DHRS12: variants seen among roughly 807,000 people sequenced by gnomAD.
DHRS12 encodes the protein dehydrogenase/reductase SDR family member 12.
In DHRS12, 29 loss-of-function variants were observed where a neutral mutation model predicts 32.1. That is an observed-to-expected ratio of 0.90 (90% confidence interval 0.67 to 1.23). The LOEUF (loss-of-function observed/expected upper bound fraction) is 1.23, where lower values mean the gene tolerates loss of function less well. DHRS12 is among the 50% of genes most tolerant of loss of function. DHRS12 has a pLI of 0.00. For missense variants in DHRS12, 330 were observed against 337.2 expected (o/e 0.98, Z 0.17); for synonymous variants, 150 against 135.9 (o/e 1.10, Z -0.72).
At chr13:51,767,896 A>G, downstream of DHRS12, 3 of 897,876 alleles carry the variant, frequency 3.3e-6, no homozygotes, top group South Asian at 7.2e-5. Context: ...TGCGTCCCCT[A>G]AGACTGAAAT....
chr13:51,797,812 G>T, intron 2 of DHRS12: 8 of 1,534,542 alleles, frequency 5.2e-6, no homozygotes, highest in Non-Finnish European at 7.0e-6. Flanking sequence ...CAGGAGGGGT[G>T]AGGAGCTGCT....
chr13:51,773,120 C>T (rs958196539), intron 6 of DHRS12: 6 of 941,362 alleles, frequency 6.4e-6, no homozygotes, highest in East Asian at 1.2e-4. Context: ...AGCAGAGATA[C>T]AGCAGTACAG....
intron 2 of DHRS12, chr13:51,797,954 CAGA>C: frequency 6.6e-7 from 1 of 1,506,820 alleles, no homozygotes; most frequent in Non-Finnish European, 8.9e-7. Context: ...GCGAGAGCTA[CAGA>C]AACCAGCTCT....
intron 5 of DHRS12, 178 bp from the exon 6 acceptor site, chr13:51,774,212 A>T: frequency 2.7e-5 from 16 of 589,140 alleles, no homozygotes; most frequent in Middle Eastern, 7.1e-4. Context: ...TCCTACATGT[A>T]TTCTCCTACA....
rs569883077 is a variant in DHRS12, at chr13:51,794,326, T to G, written c.127-3069A>C. Among the ~76,000 whole-genome samples, 403 of 152,366 alleles carry G rather than the reference T, an allele frequency of 2.6e-3. 2 individuals carry two copies. The highest frequency in any genetic ancestry group is 4.7e-3 in the Non-Finnish European group (321 of 68,040). On this transcript the variant is annotated intron_variant, in intron 2 of 8. Transcript: ENST00000444610. ...AGTCATGAGGTGACATCATGGGGACTGATCCCCCCATCAGAGCAGTTCCCA... is the reference window on the plus strand; with the variant it reads ...AGTCATGAGGTGACATCATGGGGACGGATCCCCCCATCAGAGCAGTTCCCA...
chr13:51,756,518 C>A, the DHRS12 span: 1 of 1,564,294 alleles, frequency 6.4e-7, no homozygotes, highest in Non-Finnish European at 8.7e-7. Context: ...TTAATCTGAG[C>A]CTTGCACTCA....
At chr13:51,779,803 A>T (rs936768474) in intron 4 of DHRS12, among the ~76,000 whole-genome samples, 1 of 152,056 alleles carries the variant, frequency 6.6e-6, no homozygotes, top group Admixed American at 6.6e-5. Context: ...GTTACTTCTG[A>T]CCACACAAAA....
intron 6 of DHRS12, 100 bp downstream of exon 6, chr13:51,773,830 T>G: frequency 1.0e-6 from 1 of 990,028 alleles, no homozygotes; most frequent in Non-Finnish European, 1.6e-6. Context: ...CATGAACTAC[T>G]AAGGTCCGAT....
chr13:51,771,348 C>T (rs1429207270), intron 7 of DHRS12: 3 of 1,610,416 alleles, frequency 1.9e-6, no homozygotes, highest in South Asian at 1.1e-5. Flanking sequence ...CTCCCCTCCA[C>T]CGCTGCTCCA....
downstream of DHRS12, chr13:51,767,709 G>A (rs565457250): frequency 1.3e-5 from 2 of 151,758 alleles, no homozygotes; most frequent in South Asian, 3.7e-4. Flanking sequence ...GTGTAAATAT[G>A]CATCGTCCCT....
chr13:51,768,669 C>T (rs931715626), intron 8 of DHRS12: 23 of 1,130,946 alleles, frequency 2.0e-5, no homozygotes, highest in Non-Finnish European at 2.5e-5. Flanking sequence ...TGGCTTCCAC[C>T]CGAGGTCAAG....
chr13:51,771,166 C>G, intron 7 of DHRS12: 1 of 1,538,666 alleles, frequency 6.5e-7, no homozygotes, highest in Non-Finnish European at 8.8e-7. Context: ...TGCGTTAATC[C>G]GCAGACAGCG....
At chr13:51,803,674 A>T (rs1326945942) in intron 1 of DHRS12, 1 of 173,014 alleles carries the variant, frequency 5.8e-6, no homozygotes, top group East Asian at 1.5e-4. Context: ...ATTTAGATCC[A>T]GCCCTATCTG....
At chr13:51,768,725 G>A (rs1953869296) in intron 8 of DHRS12, 1 of 1,124,604 alleles carries the variant, frequency 8.9e-7, no homozygotes, top group Admixed American at 4.6e-5. Context: ...CCCCTTAGGA[G>A]CCCACTGGGG....
chr13:51,778,506 G>A (rs1443948213), intron 4 of DHRS12, among the ~76,000 whole-genome samples: 2 of 152,148 alleles, frequency 1.3e-5, no homozygotes, highest in East Asian at 3.9e-4. Flanking sequence ...CACCGCCGGT[G>A]GCTTTCTCTG....
chr13:51,786,121 C>G (rs146314350), intron 4 of DHRS12, among the ~76,000 whole-genome samples: 3 of 152,338 alleles, frequency 2.0e-5, no homozygotes, highest in Non-Finnish European at 4.4e-5. Flanking sequence ...CGACAACACT[C>G]TGTCTCACGA....
intron 1 of DHRS12, among the ~76,000 whole-genome samples, chr13:51,800,272 G>A (rs1258662637): frequency 6.6e-6 from 1 of 152,212 alleles, no homozygotes; most frequent in Non-Finnish European, 1.5e-5. Context: ...TCTGGCAGGT[G>A]GCAGAAAAGC....
At chr13:51,771,964 G>T (rs1183882056) in intron 6 of DHRS12, 53 bp from the exon 7 acceptor site, 1 of 1,573,630 alleles carries the variant, frequency 6.4e-7, no homozygotes, top group Non-Finnish European at 8.7e-7. Flanking sequence ...GCCATTAGGT[G>T]CAAGGGCAGG....
At chr13:51,758,373 G>T in the DHRS12 span, 1 of 1,149,412 alleles carries the variant, frequency 8.7e-7, no homozygotes, top group Non-Finnish European at 1.3e-6. Context: ...CAAGAACATG[G>T]GAGGCACTGT....
Sources: allele counts gnomAD v4.1 joint callset (sites outside exome capture counted in the v4.1 genomes callset), GRCh38; gene constraint gnomAD v4.1.1; transcripts MANE v1.5; gene names NCBI Gene and HGNC (gene_info 2026-07-23, HGNC 2026-07-21).